The following FRY variants were observed in gnomAD, a reference collection of about 807,000 sequenced individuals.
The protein encoded by FRY is protein furry homolog.
In FRY, 128 loss-of-function variants were observed where a neutral mutation model predicts 348.4. The observed-to-expected ratio is 0.37, with a 90% CI of 0.32 to 0.43. The LOEUF is 0.43. Ranked by LOEUF, FRY falls within the 20% of genes least tolerant of loss-of-function variation. The pLI, the probability that FRY is intolerant of heterozygous loss-of-function variation, is 1.00. For missense variants in FRY, 2,736 were observed against 3,695.2 expected (o/e 0.74, Z 6.73); for synonymous variants, 1,370 against 1,374.7 (o/e 1.00, Z 0.08).
intron 37 of FRY, 113 bp from the exon 38 acceptor site, chr13:32,224,820 C>A (rs1471691936): frequency 1.3e-6 from 1 of 742,040 alleles, no homozygotes; most frequent in African/African-American, 1.7e-5. Context: ...GAATAAGAGC[C>A]TTATATAATG....
At position 32,175,534 on chromosome 13, in the gene FRY, C is replaced by A; in HGVS notation, c.2335-12C>A. The A allele has an allele frequency of 6.4e-7, 1 of 1,557,360 alleles. No individual in the cohort carries two copies. Among genetic ancestry groups the A allele is most frequent in the Non-Finnish European group, 8.9e-7 (1 of 1,128,322 alleles). Reference sequence around the variant, plus strand: ...TTTTCCCATAGAGAGTAATCGCCTCCCCTTTGTACAGGATGACGACAGGCC... The same window carrying A: ...TTTTCCCATAGAGAGTAATCGCCTCACCTTTGTACAGGATGACGACAGGCC... On this transcript the variant is annotated splice_polypyrimidine_tract_variant and intron_variant, in intron 19 of 60. Coordinates refer to ENST00000542859, the MANE Select transcript of FRY (RefSeq NM_023037.3).
chr13:32,033,554 TC>T (rs1429925029), intron 1 of FRY, among the ~76,000 whole-genome samples: 1 of 152,202 alleles, frequency 6.6e-6, no homozygotes, highest in Non-Finnish European at 1.5e-5. Context: ...TAAACTCCTC[TC>T]CCCACATACA....
intron 37 of FRY, 74 bp from the exon 38 acceptor site, chr13:32,224,859 A>G: frequency 1.1e-6 from 1 of 890,924 alleles, no homozygotes. Flanking sequence ...GTTATATTGT[A>G]CTGTAACTTA....
intron 23 of FRY, among the ~76,000 whole-genome samples, chr13:32,182,235 T>G (rs1054095188): frequency 2.0e-5 from 3 of 152,204 alleles, no homozygotes; most frequent in African/African-American, 7.2e-5. Flanking sequence ...AGTTATTTCT[T>G]GAAGAAGAGA....
intron 28 of FRY, among the ~76,000 whole-genome samples, chr13:32,189,349 T>C (rs951426273): frequency 6.6e-6 from 1 of 152,062 alleles, no homozygotes; most frequent in Non-Finnish European, 1.5e-5. Flanking sequence ...TTTTAATCCA[T>C]GCATAATTTT....
At chr13:32,046,156 T>C (rs1020666017) in intron 1 of FRY, among the ~76,000 whole-genome samples, 2 of 152,174 alleles carry the variant, frequency 1.3e-5, no homozygotes, top group Non-Finnish European at 2.9e-5. Flanking sequence ...GCCAGGAGAA[T>C]GAAAATGCTC....
At chr13:32,101,506 T>C (rs1436753228) in intron 2 of FRY, among the ~76,000 whole-genome samples, 1 of 152,228 alleles carries the variant, frequency 6.6e-6, no homozygotes, top group African/African-American at 2.4e-5. Context: ...TGCTGGATCA[T>C]ATGGTAGTTC....
chr13:32,047,775 G>A (rs1873106723), intron 1 of FRY, among the ~76,000 whole-genome samples: 1 of 152,096 alleles, frequency 6.6e-6, no homozygotes, highest in Non-Finnish European at 1.5e-5. Flanking sequence ...ATTTCACCAT[G>A]TTAGCCAGGC....
At chr13:32,112,468 A>T (rs1332318253) in intron 3 of FRY, among the ~76,000 whole-genome samples, 1 of 152,128 alleles carries the variant, frequency 6.6e-6, no homozygotes, top group Admixed American at 6.6e-5. Flanking sequence ...TGTAACTTGA[A>T]CCCAAGACCA....
intron 15 of FRY, among the ~76,000 whole-genome samples, chr13:32,156,598 T>C (rs1343151719): frequency 4.6e-5 from 3 of 65,160 alleles, no homozygotes; most frequent in African/African-American, 2.3e-4. Flanking sequence ...TGAAGCTCCA[T>C]CTCAAAAAAA....
At chr13:32,115,681 C>T (rs969405758) in intron 3 of FRY, among the ~76,000 whole-genome samples, 1 of 152,000 alleles carries the variant, frequency 6.6e-6, no homozygotes, top group African/African-American at 2.4e-5. Context: ...GCTTTTTCTA[C>T]CTTGAGTCTT....
intron 58 of FRY, among the ~76,000 whole-genome samples, chr13:32,280,750 T>C (rs1305841564): frequency 6.6e-6 from 1 of 152,262 alleles, no homozygotes; most frequent in African/African-American, 2.4e-5. Context: ...TTGCAGACTT[T>C]TATGAACAAG....
rs1015767733 is a variant in FRY at position 32,297,142 on chromosome 13, T to C, written c.*1682T>C. ...TACTGAATCATTGGCAGTAATATTC[T>C]AGGAGTATTCTATAGAAGAGAGCCT... On this transcript the variant is annotated 3_prime_UTR_variant, in exon 61 of 61. Transcript: ENST00000542859. The C allele has an allele frequency of 5.9e-5, 9 of 152,230 alleles. No homozygotes were observed. Among genetic ancestry groups the C allele is most frequent in the Admixed American group, 1.3e-4 (2 of 15,282 alleles). The allele number at this position is 152,230 out of a possible 1,614,324, so 9.4% of individuals were successfully genotyped here.
chr13:32,159,688 C>T (rs1460078657), intron 16 of FRY, among the ~76,000 whole-genome samples: 2 of 152,174 alleles, frequency 1.3e-5, no homozygotes, highest in Non-Finnish European at 2.9e-5. Context: ...CGCCCTTACA[C>T]TTCAGGCCAG....
chr13:32,167,639 C>T (rs1593689615), intron 17 of FRY, among the ~76,000 whole-genome samples: 1 of 152,222 alleles, frequency 6.6e-6, no homozygotes, highest in East Asian at 1.9e-4. Context: ...TTGTGGGAGA[C>T]ACAAAATTAT....
chr13:32,256,384 A>G (rs1335899603), intron 51 of FRY, among the ~76,000 whole-genome samples: 1 of 151,986 alleles, frequency 6.6e-6, no homozygotes, highest in African/African-American at 2.4e-5. Context: ...CAAAATTTAA[A>G]ATTAGCCAGG....
At chr13:32,053,388 A>T (rs1005409454) in intron 1 of FRY, among the ~76,000 whole-genome samples, 12 of 152,144 alleles carry the variant, frequency 7.9e-5, no homozygotes, top group African/African-American at 2.9e-4. Context: ...TAGATTTATG[A>T]CATATCCTTT....
intron 28 of FRY, among the ~76,000 whole-genome samples, chr13:32,189,459 A>G (rs1883207214): frequency 6.6e-6 from 1 of 152,140 alleles, no homozygotes; most frequent in African/African-American, 2.4e-5. Context: ...AAGAAGTTAG[A>G]AAAAGAATAG....
At chr13:32,034,608 C>CA (rs1235566696) in intron 1 of FRY, among the ~76,000 whole-genome samples, 1 of 152,184 alleles carries the variant, frequency 6.6e-6, no homozygotes, top group East Asian at 1.9e-4. Flanking sequence ...TAGTGGTTCT[C>CA]ACGGCTGCGG....
Sources: gnomAD v4.1 joint callset for allele counts (sites outside exome capture counted in the v4.1 genomes callset) on GRCh38, gnomAD v4.1.1 for gene constraint, MANE v1.5 for transcripts, NCBI Gene and HGNC (gene_info 2026-07-23, HGNC 2026-07-21) for gene names.